DCAF12: variants seen among roughly 807,000 people sequenced by gnomAD.
DCAF12 encodes DDB1 and CUL4 associated factor 12.
In DCAF12, 28 loss-of-function variants were observed where a neutral mutation model predicts 52.8. That is an observed-to-expected ratio of 0.53 (90% confidence interval 0.39 to 0.73). DCAF12 has a LOEUF of 0.73. DCAF12 is among the 30% of genes least tolerant of loss of function. The pLI is 0.00. For missense variants in DCAF12, 425 were observed against 552.2 expected (o/e 0.77, Z 2.31); for synonymous variants, 196 against 215.5 (o/e 0.91, Z 0.79).
At chr9:34,109,544 C>A in intron 2 of DCAF12, 1 of 153,284 alleles carries the variant, frequency 6.5e-6, no homozygotes, top group Non-Finnish European at 1.5e-5. Flanking sequence ...GGCCCCTGAA[C>A]ATGGCAGCTG....
intron 3 of DCAF12, among the ~76,000 whole-genome samples, chr9:34,106,775 C>A (rs572438877): frequency 5.9e-5 from 9 of 152,226 alleles, no homozygotes; most frequent in African/African-American, 2.2e-4. Context: ...GAACTCTCTT[C>A]CTCCAGACAT....
At chr9:34,121,941 C>CA (rs946114128) in intron 2 of DCAF12, among the ~76,000 whole-genome samples, 31 of 152,042 alleles carry the variant, frequency 2.0e-4, no homozygotes, top group African/African-American at 6.5e-4. Flanking sequence ...GACTCTGTCT[C>CA]AAAAAAACCA....
chr9:34,122,473 ATTT>A (rs762013826), intron 2 of DCAF12, among the ~76,000 whole-genome samples: 2 of 127,666 alleles, frequency 1.6e-5, no homozygotes, highest in East Asian at 2.2e-4. Flanking sequence ...ATTAGTATCA[ATTT>A]TTTTTTTTTT....
intron 7 of DCAF12, 132 bp from the exon 8 acceptor site, chr9:34,089,722 G>T: frequency 1.2e-6 from 1 of 841,596 alleles, no homozygotes; most frequent in South Asian, 2.2e-5. Flanking sequence ...CAAAGTATCA[G>T]ACAGTGTTTT....
intron 4 of DCAF12, 66 bp downstream of exon 4, chr9:34,106,368 C>T: frequency 2.9e-6 from 4 of 1,366,840 alleles, no homozygotes; most frequent in South Asian, 1.2e-5. Flanking sequence ...ACACTACTAT[C>T]CCTTTTCAAT....
intron 2 of DCAF12, among the ~76,000 whole-genome samples, chr9:34,122,856 C>T (rs577716908): frequency 3.5e-4 from 54 of 152,312 alleles, no homozygotes; most frequent in Non-Finnish European, 6.5e-4. Context: ...TTCTGTAGTT[C>T]TTTGCAGCCC....
At chr9:34,108,829 A>ATATATATATG (rs1382211534) in intron 2 of DCAF12, among the ~76,000 whole-genome samples, 3 of 146,972 alleles carry the variant, frequency 2.0e-5, no homozygotes, top group Non-Finnish European at 3.0e-5. Flanking sequence ...ATATATATAT[A>ATATATATATG]TGAATGAGGT....
intron 4 of DCAF12, among the ~76,000 whole-genome samples, chr9:34,100,198 C>CT (rs35820744): frequency 0.18 from 20,870 of 117,690 alleles, 2,770 homozygotes; most frequent in Middle Eastern, 0.25. Context: ...CCATGACTGG[C>CT]TTTTTTTTTT....
chr9:34,124,993 GAGAGAGGT>G (rs1829224649), intron 2 of DCAF12, 22 bp downstream of exon 2: 1 of 1,610,914 alleles, frequency 6.2e-7, no homozygotes, highest in African/African-American at 1.3e-5. Flanking sequence ...CACGACCTAG[GAGAGAGGT>G]CACATCCCCC....
rs1235806640 is a variant in DCAF12 at position 34,086,618 on chromosome 9, A to T, written c.*1732T>A. 1 of 152,110 alleles carries T rather than the reference A, an allele frequency of 6.6e-6. No homozygotes were observed. The highest frequency in any genetic ancestry group is 1.5e-5 in the Non-Finnish European group (1 of 68,024). 9.4% of individuals were successfully genotyped at this position (152,110 alleles called of 1,614,324 possible). On this transcript the variant is annotated 3_prime_UTR_variant, in exon 9 of 9. Transcript: ENST00000361264. Reference sequence around the variant, plus strand: ...CCTGTAGTTTAATAATAGAAAAAAAATTAAGACAATTAAAAGATCTATAGC... The same window carrying T: ...CCTGTAGTTTAATAATAGAAAAAAATTTAAGACAATTAAAAGATCTATAGC...
intron 1 of DCAF12, 101 bp downstream of exon 1, chr9:34,126,253 T>G: frequency 2.8e-6 from 4 of 1,448,274 alleles, no homozygotes; most frequent in Non-Finnish European, 3.8e-6. Context: ...TGCCTCTGAC[T>G]GCAGACCCTG....
At chr9:34,101,550 G>A (rs1828830074) in intron 4 of DCAF12, among the ~76,000 whole-genome samples, 1 of 151,666 alleles carries the variant, frequency 6.6e-6, no homozygotes, top group Admixed American at 6.6e-5. Flanking sequence ...GTGCCACCAT[G>A]CCCGGCTAAT....
chr9:34,090,627 C>A (rs1414760776), intron 7 of DCAF12, among the ~76,000 whole-genome samples: 1 of 152,056 alleles, frequency 6.6e-6, no homozygotes, highest in Non-Finnish European at 1.5e-5. Context: ...TCTCTTAAAA[C>A]TTTTCATTGC....
At chr9:34,098,614 G>T in intron 4 of DCAF12, 97 bp from the exon 5 acceptor site, 2 of 1,314,290 alleles carry the variant, frequency 1.5e-6, no homozygotes, top group Non-Finnish European at 2.1e-6. Flanking sequence ...AGCTGTTTGT[G>T]CATCATCCTC....
chr9:34,101,452 G>A (rs535527288), intron 4 of DCAF12, among the ~76,000 whole-genome samples: 1 of 151,506 alleles, frequency 6.6e-6, no homozygotes, highest in Non-Finnish European at 1.5e-5. Context: ...GAATGCAATG[G>A]CACGATCTTG....
rs543560450 is a variant in DCAF12 at position 34,091,688 on chromosome 9, C to T, written c.1024+1598G>A. ...CACAAAAAACCCAAAACAAAAGCTA[C>T]TTTGCAGTATCTGCACAGGAATAAA... is the stretch of plus-strand genomic sequence containing the variant. On this transcript the variant is annotated intron_variant, in intron 7 of 8. Transcript: ENST00000361264. Among the ~76,000 whole-genome samples the T allele has an allele frequency of 4.1e-5, 6 of 145,576 alleles. No individual in the cohort carries two copies. In the East Asian group the frequency reaches 9.9e-4, roughly 24 times the overall value.
At position 34,126,447 on chromosome 9, in the gene DCAF12, C is replaced by T. The variant is rs1488250119; in HGVS notation, c.-16G>A. 2.5e-6 allele frequency: 4 copies of T among 1,601,008 alleles called. 1 individual carries two copies. The highest frequency in any genetic ancestry group is 2.2e-5 in the South Asian group (2 of 90,416). On this transcript the variant is annotated 5_prime_UTR_variant, in exon 1 of 9. Transcript: ENST00000361264. Reference sequence around the variant, plus strand: ...TCCGGGCCATAGTGGGCAGCGCCGCCGCGGCCCCGCAGCCACATGGGGCGG... The same window carrying T: ...TCCGGGCCATAGTGGGCAGCGCCGCTGCGGCCCCGCAGCCACATGGGGCGG...
intron 2 of DCAF12, 103 bp from the exon 3 acceptor site, chr9:34,107,668 A>C: frequency 2.1e-6 from 2 of 941,876 alleles, no homozygotes; most frequent in South Asian, 3.0e-5. Context: ...TTAATTAACA[A>C]CTACTACATG....
At chr9:34,099,558 C>T (rs1241041619) in intron 4 of DCAF12, among the ~76,000 whole-genome samples, 1 of 151,404 alleles carries the variant, frequency 6.6e-6, no homozygotes, top group Admixed American at 6.6e-5. Flanking sequence ...GAATTTTATA[C>T]ATTTTGATAA....
Sources: gnomAD v4.1 joint callset for allele counts (sites outside exome capture counted in the v4.1 genomes callset) on GRCh38, gnomAD v4.1.1 for gene constraint, MANE v1.5 for transcripts, NCBI Gene and HGNC (gene_info 2026-07-23, HGNC 2026-07-21) for gene names.